Variants in TAOK1 observed in about 807,000 individuals in gnomAD.
TAOK1 encodes the protein TAO kinase 1, also known as serine/threonine-protein kinase TAO1.
TAOK1 carries 21 observed loss-of-function variants against 138.3 expected under a neutral mutation model. That is an observed-to-expected ratio of 0.15 (90% CI 0.11 to 0.22). TAOK1 has a LOEUF of 0.22. Among genes scored for constraint, TAOK1 ranks in the 10% least tolerant of loss-of-function variants. The pLI is 1.00. For synonymous variants in TAOK1, 361 were observed against 398.4 expected, an observed-to-expected ratio of 0.91 and a Z score of 1.12; for missense variants, 651 against 1,227.7, an observed-to-expected ratio of 0.53 and a Z score of 7.02.
chr17:29,409,306 GAC>G, intron 1 of TAOK1, among the ~76,000 whole-genome samples: 1 of 95,312 alleles, frequency 1.0e-5, no homozygotes, highest in Non-Finnish European at 1.9e-5. Context: ...CCTTTTTATG[GAC>G]ATATATATAT....
intron 2 of TAOK1, among the ~76,000 whole-genome samples, chr17:29,459,304 C>G (rs556103718): frequency 4.6e-5 from 7 of 152,036 alleles, no homozygotes; most frequent in Admixed American, 2.6e-4. Flanking sequence ...ATTTGTTGCT[C>G]TCTGGTAATT....
chr17:29,419,981 T>C (rs1359792823), intron 1 of TAOK1, among the ~76,000 whole-genome samples: 2 of 151,796 alleles, frequency 1.3e-5, no homozygotes, highest in African/African-American at 2.4e-5. Flanking sequence ...CCGGGCTCAA[T>C]TGATCCTCCC....
chr17:29,436,743 G>T (rs1334056672), intron 1 of TAOK1, among the ~76,000 whole-genome samples: 1 of 152,120 alleles, frequency 6.6e-6, no homozygotes. Flanking sequence ...TGCAATTTTG[G>T]AGCATACATA....
At position 29,517,660 on chromosome 17, in the gene TAOK1, A is replaced by C. The variant is rs1359983150; in HGVS notation, c.1908+4A>C. 1 of 1,587,570 alleles carries C rather than the reference A, an allele frequency of 6.3e-7. No homozygotes were observed. The highest frequency in any genetic ancestry group is 1.4e-5 in the African/African-American group (1 of 73,778). ...AGAGCAGGACCTTGTCAGGGAGGTAAGTTTGAGTGATGAGAAATTTTAAAT... is the reference window on the plus strand; with the variant it reads ...AGAGCAGGACCTTGTCAGGGAGGTACGTTTGAGTGATGAGAAATTTTAAAT... On this transcript the variant is annotated splice_donor_region_variant and intron_variant, in intron 16 of 19. Transcript: ENST00000261716.
chr17:29,497,855 T>A (rs1176520258), intron 11 of TAOK1, among the ~76,000 whole-genome samples: 1 of 151,482 alleles, frequency 6.6e-6, no homozygotes, highest in Non-Finnish European at 1.5e-5. Flanking sequence ...TATTTTTTTT[T>A]AAATGCTCCT....
At position 29,415,204 on chromosome 17, in the gene TAOK1, A is replaced by G. The variant is rs531479961; in HGVS notation, c.-95+24180A>G. On this transcript the variant is annotated intron_variant, in intron 1 of 19. Coordinates refer to ENST00000261716, the MANE Select transcript of TAOK1 (RefSeq NM_020791.4). Reference sequence around the variant, plus strand: ...GGGCTGGTCTGAACTCCTGAGCTCAAGCGATCCACCTGCCTCAGGCTCCAG... The same window carrying G: ...GGGCTGGTCTGAACTCCTGAGCTCAGGCGATCCACCTGCCTCAGGCTCCAG... 5.9e-5 allele frequency among the ~76,000 whole-genome samples: 9 copies of G among 152,064 alleles called. No individual in the cohort carries two copies. In the East Asian group the frequency reaches 1.2e-3, roughly 20 times the overall value.
chr17:29,512,684 CTTT>C (rs34741008), intron 15 of TAOK1: 15 of 135,968 alleles, frequency 1.1e-4, no homozygotes, highest in Non-Finnish European at 1.7e-4. Flanking sequence ...CAGCTGACAA[CTTT>C]TTTTTTTTTT....
At chr17:29,492,023 T>TACAG (rs1237605203) in intron 10 of TAOK1, among the ~76,000 whole-genome samples, 158 bp downstream of exon 10, 1 of 152,146 alleles carries the variant, frequency 6.6e-6, no homozygotes. Flanking sequence ...TAGCCGGGAC[T>TACAG]ACAGACACAT....
chr17:29,426,774 A>G (rs1013153736), intron 1 of TAOK1, among the ~76,000 whole-genome samples: 4 of 152,168 alleles, frequency 2.6e-5, no homozygotes, highest in Admixed American at 1.3e-4. Flanking sequence ...TTGATTTTCT[A>G]TGCCTGTTAT....
At chr17:29,520,664 C>T (rs1224310356) in intron 16 of TAOK1, among the ~76,000 whole-genome samples, 1 of 151,650 alleles carries the variant, frequency 6.6e-6, no homozygotes, top group Non-Finnish European at 1.5e-5. Context: ...ATCCGCCTGT[C>T]TCGGCCTCCC....
intron 19 of TAOK1, 93 bp downstream of exon 19, chr17:29,534,393 T>A: frequency 8.4e-7 from 1 of 1,189,016 alleles, no homozygotes; most frequent in Non-Finnish European, 1.1e-6. Context: ...GAGGTCACAT[T>A]AGATTTCTTT....
At chr17:29,446,090 T>C (rs2030069959) in intron 1 of TAOK1, among the ~76,000 whole-genome samples, 1 of 152,116 alleles carries the variant, frequency 6.6e-6, no homozygotes, top group African/African-American at 2.4e-5. Flanking sequence ...TTTTAATGTG[T>C]GTAGGGTCTG....
intron 17 of TAOK1, among the ~76,000 whole-genome samples, chr17:29,522,951 T>A (rs1045766350): frequency 6.6e-6 from 1 of 151,890 alleles, no homozygotes; most frequent in Non-Finnish European, 1.5e-5. Context: ...GGCACATGCC[T>A]ATAGTCCCAG....
At chr17:29,486,111 C>T (rs1341421613) in intron 8 of TAOK1, among the ~76,000 whole-genome samples, 1 of 151,880 alleles carries the variant, frequency 6.6e-6, no homozygotes, top group Non-Finnish European at 1.5e-5. Flanking sequence ...CATGGAGAAA[C>T]CCCATCTCTA....
At chr17:29,489,813 A>T in intron 9 of TAOK1, 56 bp downstream of exon 9, 4 of 1,260,778 alleles carry the variant, frequency 3.2e-6, no homozygotes, top group Non-Finnish European at 4.4e-6. Context: ...ATGCTTTTTC[A>T]TAATCTGTTA....
intron 17 of TAOK1, among the ~76,000 whole-genome samples, chr17:29,525,174 A>T (rs911589111): frequency 1.3e-5 from 2 of 152,034 alleles, no homozygotes; most frequent in African/African-American, 4.8e-5. Flanking sequence ...ATGCAATGGC[A>T]CGATCTCAGC....
intron 1 of TAOK1, among the ~76,000 whole-genome samples, chr17:29,415,649 TATAAA>T (rs1295307186): frequency 1.3e-5 from 2 of 152,196 alleles, no homozygotes; most frequent in African/African-American, 2.4e-5. Context: ...TATGGAAAAA[TATAAA>T]ATAAACTTCT....
intron 17 of TAOK1, among the ~76,000 whole-genome samples, chr17:29,530,026 CAAAAAA>C (rs919227553): frequency 1.5e-5 from 2 of 132,730 alleles, no homozygotes; most frequent in African/African-American, 2.8e-5. Context: ...GACTCCATCT[CAAAAAA>C]AAAAAGAAAA....
intron 3 of TAOK1, among the ~76,000 whole-genome samples, chr17:29,471,925 A>G (rs1034563161): frequency 2.0e-5 from 3 of 152,196 alleles, no homozygotes; most frequent in African/African-American, 7.2e-5. Context: ...TTGCCCATCT[A>G]TTACAAATAG....
Sources: allele counts gnomAD v4.1 joint callset (sites outside exome capture counted in the v4.1 genomes callset), GRCh38; gene constraint gnomAD v4.1.1; transcripts MANE v1.5; gene names NCBI Gene and HGNC (gene_info 2026-07-23, HGNC 2026-07-21).